The following ASAP2 variants were observed in gnomAD, a reference collection of about 807,000 sequenced individuals.
The protein encoded by ASAP2 is ArfGAP with SH3 domain, ankyrin repeat and PH domain 2.
ASAP2 carries 45 observed loss-of-function variants against 131.4 expected under a neutral mutation model. That is an observed-to-expected ratio of 0.34 (90% CI 0.27 to 0.44). The LOEUF is 0.44. ASAP2 is among the 20% of genes least tolerant of loss of function. The probability of loss-of-function intolerance (pLI) is 1.00; values close to 1 mark genes in which losing one functional copy is unlikely to be tolerated. For missense variants in ASAP2, 1,011 were observed against 1,297.0 expected (o/e 0.78, Z 3.39); for synonymous variants, 510 against 503.0 (o/e 1.01, Z -0.19).
At chr2:9,368,554 T>C in intron 16 of ASAP2, 35 bp downstream of exon 16, 1 of 1,593,146 alleles carries the variant, frequency 6.3e-7, no homozygotes, top group Non-Finnish European at 8.6e-7. Flanking sequence ...ATTTGCTGAG[T>C]AAAGGTTTGC....
rs928914970 is a variant in ASAP2 at position 9,240,245 on chromosome 2, A to T, written c.126+33015A>T. Among the ~76,000 whole-genome samples the T allele has an allele frequency of 1.0e-4, 13 of 127,074 alleles. No homozygotes were observed. In the South Asian group the frequency reaches 2.8e-3, roughly 28 times the overall value. The allele number at this position is 127,074 out of a possible 152,430, so 83.4% of individuals were successfully genotyped here. A position where few individuals can be genotyped will look rare whatever the true frequency, so the allele number is the denominator to read the frequency against. On this transcript the variant is annotated intron_variant, in intron 1 of 27. Coordinates refer to ENST00000281419, the MANE Select transcript of ASAP2 (RefSeq NM_003887.3). ...GTTCATGTCATGTCTTCCTCCCATA[A>T]TTTTTTTTTTTTTTTTTTTTTTATT...
intron 8 of ASAP2, 138 bp from the exon 9 acceptor site, chr2:9,334,955 C>A: frequency 7.4e-7 from 1 of 1,345,680 alleles, no homozygotes; most frequent in Non-Finnish European, 1.0e-6. Flanking sequence ...TGTCCTCTGT[C>A]TTGGTGGGAG....
chr2:9,374,725 G>T (rs750909690), intron 16 of ASAP2, 30 bp from the exon 17 acceptor site: 2 of 1,563,436 alleles, frequency 1.3e-6, no homozygotes, highest in South Asian at 2.4e-5. Context: ...AGCCCTTCAT[G>T]ATTTGCAAGG....
intron 24 of ASAP2, chr2:9,399,592 C>T: frequency 5.8e-6 from 1 of 171,926 alleles, no homozygotes; most frequent in African/African-American, 2.4e-5. Flanking sequence ...GCAGGGACGG[C>T]AGAGGCATGG....
intron 15 of ASAP2, among the ~76,000 whole-genome samples, chr2:9,360,750 A>G (rs1316422674): frequency 6.6e-6 from 1 of 152,220 alleles, no homozygotes; most frequent in Admixed American, 6.5e-5. Flanking sequence ...AAAATGCAGT[A>G]TAATTAGGAA....
chr2:9,281,492 G>A lies in ASAP2; in HGVS notation c.199+2103G>A, dbSNP rs1236909889. 6.6e-6 allele frequency among the ~76,000 whole-genome samples: 1 copy of A among 152,184 alleles called. No individual in the cohort carries two copies. Among genetic ancestry groups the A allele is most frequent in the African/African-American group, 2.4e-5 (1 of 41,430 alleles). ...TTGCCATGCTGACCTATATTGCTGAGCGTGTACCACAAACCTCATTCCTAT... is the reference window on the plus strand; with the variant it reads ...TTGCCATGCTGACCTATATTGCTGAACGTGTACCACAAACCTCATTCCTAT... On this transcript the variant is annotated intron_variant, in intron 2 of 27. Transcript: ENST00000281419. The surrounding 1 kb of genome is among the most constrained non-coding windows in gnomAD (Gnocchi z 4.0).
intron 20 of ASAP2, among the ~76,000 whole-genome samples, chr2:9,384,001 C>T (rs182538006): frequency 1.8e-3 from 267 of 151,568 alleles, no homozygotes; most frequent in African/African-American, 5.7e-3. Context: ...CATCACAAAC[C>T]GGGGCCTGTC....
At chr2:9,385,631 G>T (rs1234364179) in intron 21 of ASAP2, among the ~76,000 whole-genome samples, 1 of 152,294 alleles carries the variant, frequency 6.6e-6, no homozygotes, top group African/African-American at 2.4e-5. Flanking sequence ...TGGCGGGGGG[G>T]TTGATTCCAG....
chr2:9,333,634 A>G (rs1670986317), intron 7 of ASAP2, among the ~76,000 whole-genome samples: 2 of 152,184 alleles, frequency 1.3e-5, no homozygotes, highest in African/African-American at 4.8e-5. Context: ...AAAGGCCGGT[A>G]TGTCTGGAAC....
chr2:9,403,353 A>G lies in ASAP2; in HGVS notation c.*26A>G, dbSNP rs761043247. The G allele has an allele frequency of 2.3e-5, 37 of 1,607,618 alleles. No individual in the cohort carries two copies. In the South Asian group the frequency reaches 4.0e-4, roughly 17 times the overall value. On this transcript the variant is annotated 3_prime_UTR_variant, in exon 28 of 28. Coordinates refer to ENST00000281419, the MANE Select transcript of ASAP2 (RefSeq NM_003887.3). Reference sequence around the variant, plus strand: ...ATTGCTACTGAACAAAAGCATTAACAGTTATGTTCCTGTTTCGTTATTGGT... The same window carrying G: ...ATTGCTACTGAACAAAAGCATTAACGGTTATGTTCCTGTTTCGTTATTGGT...
chr2:9,299,322 A>C (rs960762182), intron 3 of ASAP2, among the ~76,000 whole-genome samples: 4 of 152,200 alleles, frequency 2.6e-5, no homozygotes, highest in Non-Finnish European at 4.4e-5. Flanking sequence ...TCTCAGCAGC[A>C]GCACTGGAAA....
At chr2:9,272,977 A>G (rs899606159) in intron 1 of ASAP2, among the ~76,000 whole-genome samples, 1 of 152,182 alleles carries the variant, frequency 6.6e-6, no homozygotes, top group Non-Finnish European at 1.5e-5. Flanking sequence ...AAGTAAGGTA[A>G]TGTGGTTCCT....
At chr2:9,226,768 AT>A (rs1460527105) in intron 1 of ASAP2, among the ~76,000 whole-genome samples, 2 of 152,162 alleles carry the variant, frequency 1.3e-5, no homozygotes, top group African/African-American at 4.8e-5. Flanking sequence ...AACATTGGCA[AT>A]CTAGCAAACG....
At chr2:9,331,753 G>A (rs1342334501) in intron 7 of ASAP2, among the ~76,000 whole-genome samples, 2 of 151,084 alleles carry the variant, frequency 1.3e-5, no homozygotes, top group East Asian at 1.9e-4. Flanking sequence ...GGGCGACAGA[G>A]CGATTTTTTT....
intron 2 of ASAP2, among the ~76,000 whole-genome samples, chr2:9,294,852 A>G (rs1166615160): frequency 1.3e-5 from 2 of 152,106 alleles, no homozygotes; most frequent in South Asian, 2.1e-4. Flanking sequence ...TGAAAGACCC[A>G]TGGCTCAGAA....
chr2:9,254,254 T>TATATATATATATATATACATACAC (rs1553297027), intron 1 of ASAP2, among the ~76,000 whole-genome samples: 1 of 65,746 alleles, frequency 1.5e-5, no homozygotes, highest in Non-Finnish European at 2.8e-5. Context: ...TATATATATA[T>TATATATATATATATATACATACAC]ACACGTGTGT....
At chr2:9,265,480 G>T (rs938609126) in intron 1 of ASAP2, among the ~76,000 whole-genome samples, 2 of 152,010 alleles carry the variant, frequency 1.3e-5, no homozygotes, top group Non-Finnish European at 2.9e-5. Flanking sequence ...AAGAGAAAAG[G>T]GTAACAAAGT....
intron 3 of ASAP2, among the ~76,000 whole-genome samples, chr2:9,307,545 C>G (rs1669024786): frequency 6.6e-6 from 1 of 152,172 alleles, no homozygotes; most frequent in African/African-American, 2.4e-5. Context: ...CCTCCGGCTC[C>G]CAGAACCGGC....
chr2:9,223,229 C>G (rs935503930), intron 1 of ASAP2, among the ~76,000 whole-genome samples: 1 of 152,064 alleles, frequency 6.6e-6, no homozygotes, highest in African/African-American at 2.4e-5. Context: ...TTGGAAGGAG[C>G]TTAATTTTGG....
Sources: gnomAD v4.1 joint callset for allele counts (sites outside exome capture counted in the v4.1 genomes callset) on GRCh38, gnomAD v4.1.1 for gene constraint, Gnocchi (gnomAD v3.1) non-coding constraint, MANE v1.5 for transcripts, NCBI Gene and HGNC (gene_info 2026-07-23, HGNC 2026-07-21) for gene names.